SYT14: variants seen among roughly 807,000 people sequenced by gnomAD.
SYT14 encodes synaptotagmin-14.
A neutral mutation model predicts 74.2 loss-of-function variants in SYT14; 32 were observed. The observed-to-expected ratio is 0.43, with a 90% CI of 0.33 to 0.58. SYT14 has a LOEUF of 0.58. Ranked by LOEUF, SYT14 falls within the 20% of genes least tolerant of loss-of-function variation. The pLI is 0.05. For missense variants in SYT14, 791 were observed against 981.8 expected, an observed-to-expected ratio of 0.81 and a Z score of 2.60; for synonymous variants, 298 against 337.7, an observed-to-expected ratio of 0.88 and a Z score of 1.29.
chr1:209,983,671 C>A (rs960576069), intron 2 of SYT14, among the ~76,000 whole-genome samples: 2 of 152,156 alleles, frequency 1.3e-5, no homozygotes, highest in Admixed American at 6.5e-5. Flanking sequence ...TAAGAAAGTT[C>A]ATTAAACATC....
chr1:210,059,439 T>TAGAGAGAGAGAG (rs1394279839), intron 5 of SYT14, among the ~76,000 whole-genome samples: 34 of 92,766 alleles, frequency 3.7e-4, no homozygotes, highest in Non-Finnish European at 5.3e-4. Context: ...TATATATATA[T>TAGAGAGAGAGAG]ATATATATAT....
At chr1:209,939,957 C>T (rs532224196) in intron 1 of SYT14, among the ~76,000 whole-genome samples, 1 of 152,326 alleles carries the variant, frequency 6.6e-6, no homozygotes. Context: ...CTGCCTACTG[C>T]TTAACATGTT....
intron 2 of SYT14, among the ~76,000 whole-genome samples, chr1:210,007,617 C>T (rs1275059940): frequency 6.6e-6 from 1 of 151,918 alleles, no homozygotes; most frequent in East Asian, 1.9e-4. Context: ...TATTTTTTAA[C>T]ATATATAAGA....
intron 2 of SYT14, among the ~76,000 whole-genome samples, chr1:209,960,873 T>G (rs747845407): frequency 3.9e-5 from 6 of 152,120 alleles, no homozygotes; most frequent in African/African-American, 4.8e-5. Context: ...AATACACTTA[T>G]AAGAGAGTAC....
At chr1:210,059,451 T>TATATATATATATATAG (rs377050610) in intron 5 of SYT14, among the ~76,000 whole-genome samples, 68 of 69,888 alleles carry the variant, frequency 9.7e-4, no homozygotes, top group African/African-American at 1.4e-3. Context: ...TATATATATA[T>TATATATATATATATAG]AGAGAGAGAG....
intron 2 of SYT14, among the ~76,000 whole-genome samples, chr1:209,988,808 G>T (rs758646580): frequency 5.9e-5 from 9 of 152,098 alleles, no homozygotes; most frequent in Non-Finnish European, 1.0e-4. Flanking sequence ...TTTTTTCCCA[G>T]CCTCTGATTG....
chr1:210,109,496 T>G (rs1230316473), intron 7 of SYT14, among the ~76,000 whole-genome samples: 1 of 150,862 alleles, frequency 6.6e-6, no homozygotes, highest in Non-Finnish European at 1.5e-5. Context: ...GGGAATCACT[T>G]GAACCTAGGA....
intron 2 of SYT14, among the ~76,000 whole-genome samples, chr1:209,964,823 A>T (rs2079130013): frequency 6.6e-6 from 1 of 152,198 alleles, no homozygotes; most frequent in Non-Finnish European, 1.5e-5. Context: ...GCAAAAAAAA[A>T]TGCAGATTTC....
At chr1:210,065,975 C>T (rs1405538179) in intron 5 of SYT14, among the ~76,000 whole-genome samples, 2 of 150,262 alleles carry the variant, frequency 1.3e-5, no homozygotes, top group African/African-American at 2.4e-5. Context: ...GAACGTGTGG[C>T]GTTTGGTTTT....
At position 210,035,771 on chromosome 1, in the gene SYT14, A is replaced by G. The variant is rs1002349158; in HGVS notation, c.1312+14517A>G. On this transcript the variant is annotated intron_variant, in intron 5 of 9. Transcript: ENST00000637265. ...TTCTGTTCCATTCATCTGTAAGTCT[A>G]TTTTTGTACCAGTACCATGCTGTTT... is the stretch of plus-strand genomic sequence containing the variant. Among the ~76,000 whole-genome samples the G allele has an allele frequency of 4.6e-5, 7 of 151,774 alleles. No homozygotes were observed. In the East Asian group the frequency reaches 5.8e-4, roughly 13 times the overall value.
At chr1:209,988,020 C>T (rs1447495957) in intron 2 of SYT14, among the ~76,000 whole-genome samples, 3 of 152,110 alleles carry the variant, frequency 2.0e-5, no homozygotes, top group Admixed American at 6.5e-5. Flanking sequence ...ACAATTTTGA[C>T]CATCACTTCT....
exon 10 of SYT14, chr1:210,164,657 A>T (rs1035765097): frequency 6.6e-6 from 1 of 152,112 alleles, no homozygotes; most frequent in African/African-American, 2.4e-5. Flanking sequence ...ATTTTTCAAG[A>T]TCCCTCTCCA....
intron 5 of SYT14, among the ~76,000 whole-genome samples, chr1:210,057,503 T>A (rs2081122613): frequency 1.3e-5 from 2 of 152,236 alleles, no homozygotes; most frequent in African/African-American, 2.4e-5. Flanking sequence ...TTTTGTTATG[T>A]ACAGTAACTT....
At chr1:210,059,256 A>G (rs1190938370) in intron 5 of SYT14, among the ~76,000 whole-genome samples, 2 of 152,018 alleles carry the variant, frequency 1.3e-5, no homozygotes, top group South Asian at 4.2e-4. Context: ...CAATTAAAAC[A>G]TAAGGATTAG....
chr1:210,163,844 A>G (rs1195481581), exon 10 of SYT14: 4 of 453,810 alleles, frequency 8.8e-6, no homozygotes, highest in South Asian at 6.2e-5. Context: ...TAATAGCAAA[A>G]TCTTCTATCT....
chr1:209,991,041 C>T lies in SYT14; in HGVS notation c.-485-22592C>T, dbSNP rs114915563. On this transcript the variant is annotated intron_variant, in intron 2 of 9. Coordinates refer to ENST00000637265, the Ensembl canonical transcript of SYT14. The stretch of plus-strand genomic sequence containing the variant: ...AAATTATACACTGGGGAAAGGACAC[C>T]CTATTCAGTAAGTGGCGCTAGGAAA... 8.7e-3 allele frequency among the ~76,000 whole-genome samples: 1,320 copies of T among 152,142 alleles called. 24 individuals are homozygous for T. Among genetic ancestry groups the T allele is most frequent in the African/African-American group, 0.03 (1,262 of 41,500 alleles).
intron 2 of SYT14, among the ~76,000 whole-genome samples, chr1:209,954,350 C>T (rs1003967682): frequency 5.3e-5 from 8 of 151,872 alleles, no homozygotes; most frequent in Non-Finnish European, 2.9e-5. Context: ...TATTCCTATC[C>T]GGGTAGTTCT....
At chr1:209,954,736 C>T (rs1056909838) in intron 2 of SYT14, among the ~76,000 whole-genome samples, 1 of 149,334 alleles carries the variant, frequency 6.7e-6, no homozygotes, top group African/African-American at 2.5e-5. Context: ...GAGACAGATT[C>T]TCACTGTCTC....
chr1:210,161,449 TTGAC>T (rs770060443), exon 10 of SYT14: 46 of 454,676 alleles, frequency 1.0e-4, no homozygotes, highest in South Asian at 4.2e-4. Flanking sequence ...AAAACATAGT[TTGAC>T]TGGCCAGTCC....
Sources: allele counts gnomAD v4.1 joint callset (sites outside exome capture counted in the v4.1 genomes callset), GRCh38; gene constraint gnomAD v4.1.1; transcripts MANE v1.5; gene names NCBI Gene and HGNC (gene_info 2026-07-23, HGNC 2026-07-21).